The following GPC5 variants were observed in gnomAD, a reference collection of about 807,000 sequenced individuals.
GPC5 encodes the protein glypican-5.
A neutral mutation model predicts 53.9 loss-of-function variants in GPC5; 47 were observed. The observed-to-expected ratio is 0.87, with a 90% confidence interval of 0.69 to 1.11. The LOEUF (loss-of-function observed/expected upper bound fraction) is 1.11. Among genes scored for constraint, GPC5 ranks in the 50% most tolerant of loss-of-function variants. The pLI is 0.00. For missense variants in GPC5, 748 were observed against 713.1 expected, an observed-to-expected ratio of 1.05 and a Z score of -0.56; for synonymous variants, 286 against 263.3, an observed-to-expected ratio of 1.09 and a Z score of -0.84.
At chr13:91,578,698 C>G (rs2032231185) in intron 2 of GPC5, among the ~76,000 whole-genome samples, 1 of 150,852 alleles carries the variant, frequency 6.6e-6, no homozygotes, top group Admixed American at 6.6e-5. Context: ...ATATATTATG[C>G]TAATGCTTGA....
rs149357808 is a variant in GPC5, at chr13:92,716,316, C to G, written c.1562-149966C>G. 2.0e-3 allele frequency among the ~76,000 whole-genome samples: 303 copies of G among 152,224 alleles called. 1 individual carries two copies. Among genetic ancestry groups the G allele is most frequent in the African/African-American group, 7.0e-3 (290 of 41,538 alleles). ...GTTACCCATATTTCTCTGAATACCTCTCATGCTTACAATTGATTTCTTAAT... is the reference window on the plus strand; with the variant it reads ...GTTACCCATATTTCTCTGAATACCTGTCATGCTTACAATTGATTTCTTAAT... On this transcript the variant is annotated intron_variant, in intron 7 of 7. Coordinates refer to ENST00000377067, the MANE Select transcript of GPC5 (RefSeq NM_004466.6).
At chr13:91,777,252 A>T (rs2037724978) in intron 5 of GPC5, among the ~76,000 whole-genome samples, 1 of 152,188 alleles carries the variant, frequency 6.6e-6, no homozygotes. Context: ...TTAGAACAAA[A>T]TTGTTGCTTA....
At chr13:92,751,961 A>G (rs1594479551) in intron 7 of GPC5, among the ~76,000 whole-genome samples, 1 of 152,124 alleles carries the variant, frequency 6.6e-6, no homozygotes, top group Non-Finnish European at 1.5e-5. Flanking sequence ...CTTGTAAAAA[A>G]AAGTTTTCAT....
chr13:91,804,889 G>C (rs890824775), intron 5 of GPC5, among the ~76,000 whole-genome samples: 3 of 152,198 alleles, frequency 2.0e-5, no homozygotes, highest in African/African-American at 7.2e-5. Context: ...CTCAATACCA[G>C]ACCTGGCAGG....
chr13:91,703,430 G>A (rs1425386195), intron 3 of GPC5, among the ~76,000 whole-genome samples: 1 of 152,016 alleles, frequency 6.6e-6, no homozygotes, highest in Admixed American at 6.6e-5. Flanking sequence ...TGTTTATTGA[G>A]ATCATATTAT....
At chr13:91,911,161 A>G (rs2039606266) in intron 6 of GPC5, among the ~76,000 whole-genome samples, 1 of 152,172 alleles carries the variant, frequency 6.6e-6, no homozygotes, top group Non-Finnish European at 1.5e-5. Context: ...GGGAGGAGAT[A>G]AACATACCTC....
rs143829043 is a variant in GPC5, at chr13:92,074,602, A to C, written c.1402-70228A>C. Among the ~76,000 whole-genome samples, 479 of 152,282 alleles carry C rather than the reference A, an allele frequency of 3.1e-3. 8 individuals are homozygous for C. The highest frequency in any genetic ancestry group is 0.011 in the African/African-American group (460 of 41,552). The stretch of plus-strand genomic sequence containing the variant: ...TCACACTGTGATAAAGAAGTATGTA[A>C]TTCATTGGTTTATTTTAATCCCAGT... On this transcript the variant is annotated intron_variant, in intron 6 of 7. Transcript: ENST00000377067.
chr13:92,599,886 A>G (rs1012938289), intron 7 of GPC5, among the ~76,000 whole-genome samples: 7 of 152,192 alleles, frequency 4.6e-5, no homozygotes, highest in Admixed American at 4.6e-4. Context: ...TAAGCATACA[A>G]TTCAGTGGCA....
intron 2 of GPC5, among the ~76,000 whole-genome samples, chr13:91,621,759 CATTATATATATATATATATAT>C (rs772109781): frequency 2.8e-5 from 3 of 107,350 alleles, no homozygotes; most frequent in Non-Finnish European, 1.8e-5. Context: ...AGGGACAGAA[CATTATATATATATATATATAT>C]ATATATATAT....
At chr13:92,646,541 C>A (rs1885775722) in intron 7 of GPC5, among the ~76,000 whole-genome samples, 1 of 151,958 alleles carries the variant, frequency 6.6e-6, no homozygotes, top group Admixed American at 6.6e-5. Flanking sequence ...CTTGTCAATT[C>A]AACAAAAATA....
intron 2 of GPC5, among the ~76,000 whole-genome samples, chr13:91,587,646 C>T (rs2032648111): frequency 6.6e-6 from 1 of 152,060 alleles, no homozygotes. Flanking sequence ...TGGTTCTTGT[C>T]TTAATCATAT....
At chr13:91,568,808 G>A (rs1594266356) in intron 2 of GPC5, among the ~76,000 whole-genome samples, 1 of 150,028 alleles carries the variant, frequency 6.7e-6, no homozygotes, top group African/African-American at 2.5e-5. Flanking sequence ...GAGTGCAGTG[G>A]TGCAATCTGA....
At position 91,743,356 on chromosome 13, in the gene GPC5, G is replaced by T. The variant is rs148149092; in HGVS notation, c.1155-12939G>T. On this transcript the variant is annotated intron_variant, in intron 4 of 7. Coordinates refer to ENST00000377067, the MANE Select transcript of GPC5 (RefSeq NM_004466.6). ...TATTTCAGAATTTTTGGCAGAATCTGTGGGGGCATAATTTAAGATAATTGA... is the reference window on the plus strand; with the variant it reads ...TATTTCAGAATTTTTGGCAGAATCTTTGGGGGCATAATTTAAGATAATTGA... 8.1e-4 allele frequency among the ~76,000 whole-genome samples: 123 copies of T among 152,216 alleles called. 1 individual carries two copies. The highest frequency in any genetic ancestry group is 2.8e-3 in the African/African-American group (117 of 41,534).
intron 7 of GPC5, among the ~76,000 whole-genome samples, chr13:92,754,123 C>G (rs1319622521): frequency 2.0e-5 from 3 of 152,152 alleles, no homozygotes; most frequent in African/African-American, 7.2e-5. Flanking sequence ...AGACTAACAG[C>G]GGATCTCTCG....
At chr13:92,419,018 G>T (rs951524132) in intron 7 of GPC5, among the ~76,000 whole-genome samples, 2 of 152,142 alleles carry the variant, frequency 1.3e-5, no homozygotes, top group South Asian at 4.1e-4. Context: ...TTCTTCTCAC[G>T]TGGCTTATAA....
chr13:92,475,208 C>T (rs1879063362), intron 7 of GPC5, among the ~76,000 whole-genome samples: 1 of 150,244 alleles, frequency 6.7e-6, no homozygotes, highest in African/African-American at 2.5e-5. Context: ...TCCATATGAA[C>T]TTTAAAGTAG....
chr13:91,974,961 T>A (rs998950208), intron 6 of GPC5, among the ~76,000 whole-genome samples: 1 of 151,960 alleles, frequency 6.6e-6, no homozygotes, highest in Non-Finnish European at 1.5e-5. Flanking sequence ...TCAGAAATAA[T>A]GCCGCATATC....
intron 2 of GPC5, among the ~76,000 whole-genome samples, chr13:91,669,259 A>T (rs949168615): frequency 2.0e-5 from 3 of 152,242 alleles, no homozygotes; most frequent in Non-Finnish European, 4.4e-5. Context: ...CACTGCAAAC[A>T]AGAGTGAGAC....
At chr13:91,540,126 A>G (rs1379577487) in intron 2 of GPC5, among the ~76,000 whole-genome samples, 1 of 152,238 alleles carries the variant, frequency 6.6e-6, no homozygotes, top group Non-Finnish European at 1.5e-5. Context: ...GGACTAAGCA[A>G]AAGCAACTTA....
Sources: gnomAD v4.1 joint callset for allele counts (sites outside exome capture counted in the v4.1 genomes callset) on GRCh38, gnomAD v4.1.1 for gene constraint, MANE v1.5 for transcripts, NCBI Gene and HGNC (gene_info 2026-07-23, HGNC 2026-07-21) for gene names.